ACADM: variants seen among roughly 807,000 people sequenced by gnomAD.
ACADM encodes the protein acyl-CoA dehydrogenase medium chain.
Under a neutral mutation model 58.9 loss-of-function variants are expected in ACADM, and 49 were observed. The observed-to-expected ratio is 0.83, with a 90% CI of 0.66 to 1.06. ACADM has a LOEUF of 1.06. Ranked by LOEUF, ACADM falls within the 50% of genes least tolerant of loss-of-function variation. ACADM has a pLI of 0.00. For missense variants in ACADM, 496 were observed against 507.0 expected (o/e 0.98, Z 0.21); for synonymous variants, 160 against 157.7 (o/e 1.01, Z -0.11).
chr1:75,744,470 C>A, intron 7 of ACADM: 1 of 1,531,576 alleles, frequency 6.5e-7, no homozygotes, highest in East Asian at 2.2e-5. Context: ...ATCTCACAAA[C>A]CACTTCATCT....
At chr1:75,749,271 C>A in intron 8 of ACADM, 148 bp from the exon 9 acceptor site, 1 of 745,908 alleles carries the variant, frequency 1.3e-6, no homozygotes, top group Non-Finnish European at 2.3e-6. Context: ...GTATTCCAAT[C>A]AGGCTTTCTT....
chr1:75,750,528 C>A lies in ACADM; in HGVS notation c.927C>A (p.Phe309Leu). The change falls in exon 10 of 12, where the codon TTC becomes TTA. Residue 309 changes from phenylalanine to leucine, a missense_variant. Physicochemically the swap from Phe to Leu is conservative, Grantham distance 22. Transcript: ENST00000370841. ...ATKYALERKTFGKLLVEHQAI... is the reference protein window; with the variant it reads ...ATKYALERKTLGKLLVEHQAI... ...AGTATGCCCTGGAAAGGAAAACTTT[C>A]GGAAAGCTACTTGTAGAGGTAATTT... 1.2e-6 allele frequency: 2 copies of A among 1,611,470 alleles called. No individual in the cohort carries two copies. The highest frequency in any genetic ancestry group is 1.7e-6 in the Non-Finnish European group (2 of 1,179,256).
chr1:75,757,462 T>C (rs944488995), intron 10 of ACADM, among the ~76,000 whole-genome samples: 3 of 152,150 alleles, frequency 2.0e-5, no homozygotes, highest in Admixed American at 6.6e-5. Flanking sequence ...AAAATGCTCA[T>C]CATCACTGGC....
intron 10 of ACADM, among the ~76,000 whole-genome samples, chr1:75,759,394 A>G (rs1285821526): frequency 6.6e-6 from 1 of 152,240 alleles, no homozygotes; most frequent in Non-Finnish European, 1.5e-5. Context: ...TGAACCTAGC[A>G]GACAAAAGAC....
chr1:75,729,835 A>T (rs896822370), intron 2 of ACADM, among the ~76,000 whole-genome samples: 2 of 149,698 alleles, frequency 1.3e-5, no homozygotes, highest in Non-Finnish European at 3.0e-5. Flanking sequence ...GTAGCCAAAG[A>T]CTAAATGAAA....
Position 75,749,351 on chromosome 1 carries a change from A to G in ACADM, c.709-68A>G, listed in dbSNP as rs935208265. On this transcript the variant is annotated intron_variant, in intron 8 of 11. Coordinates refer to ENST00000370841, the MANE Select transcript of ACADM (RefSeq NM_000016.6). ...AGGTAATTGCAGAAAGTCATGAAAC[A>G]GTGATTAAAGCAAAAATTGATGCTG... 25 of 1,539,480 alleles carry G rather than the reference A, an allele frequency of 1.6e-5. No homozygotes were observed. In the African/African-American group the frequency reaches 3.0e-4, roughly 19 times the overall value.
At chr1:75,734,160 A>ATTTTTTTTT (rs1160368175) in intron 5 of ACADM, among the ~76,000 whole-genome samples, 4 of 84,236 alleles carry the variant, frequency 4.7e-5, no homozygotes, top group Admixed American at 1.4e-4. Flanking sequence ...TAATTTTTGT[A>ATTTTTTTTT]TTTTTTTTTT....
chr1:75,732,515 A>C, intron 2 of ACADM, 129 bp from the exon 3 acceptor site: 1 of 779,996 alleles, frequency 1.3e-6, no homozygotes, highest in Non-Finnish European at 2.3e-6. Flanking sequence ...CAAAAAATGC[A>C]CTGTAGTCTG....
At chr1:75,742,476 C>T (rs796890211) in intron 7 of ACADM, among the ~76,000 whole-genome samples, 7 of 152,322 alleles carry the variant, frequency 4.6e-5, no homozygotes, top group African/African-American at 1.7e-4. Flanking sequence ...GCCTCCTCAG[C>T]CCACGGGCTT....
chr1:75,750,394 T>G, intron 9 of ACADM, 57 bp from the exon 10 acceptor site: 2 of 1,356,322 alleles, frequency 1.5e-6, no homozygotes, highest in Non-Finnish European at 2.1e-6. Flanking sequence ...CTTAGGCAGA[T>G]ATTGTGTGTT....
Position 75,733,548 on chromosome 1 carries a change from T to C in ACADM, c.307T>C (p.Phe103Leu), listed in dbSNP as rs1647187648. Reference protein sequence around the residue: ...ENCGGLGLGTFDACLISEELA... With the variant: ...ENCGGLGLGTLDACLISEELA... ...TGTAGGAGGTCTTGGACTTGGAACT[T>C]TTGATGCTTGTTTAATTAGTGAAGA... Residue 103 changes from phenylalanine to leucine, a missense_variant, in exon 5 of 12, where the codon TTT becomes CTT. Coordinates refer to ENST00000370841, the MANE Select transcript of ACADM (RefSeq NM_000016.6). The C allele has an allele frequency of 1.2e-6, 2 of 1,614,068 alleles. No homozygotes were observed. Among genetic ancestry groups the C allele is most frequent in the Non-Finnish European group, 1.7e-6 (2 of 1,179,986 alleles).
intron 5 of ACADM, 73 bp downstream of exon 5, chr1:75,733,701 T>C: frequency 7.8e-7 from 1 of 1,277,558 alleles, no homozygotes; most frequent in East Asian, 2.3e-5. Flanking sequence ...AGAAGTTGGA[T>C]TTTTAGAAGA....
intron 1 of ACADM, among the ~76,000 whole-genome samples, chr1:75,728,045 C>A (rs1292634235): frequency 1.3e-5 from 2 of 152,064 alleles, no homozygotes; most frequent in Non-Finnish European, 2.9e-5. Flanking sequence ...TATCGTTCTC[C>A]CCACCCCAAC....
Position 75,728,477 on chromosome 1 carries a change from G to C in ACADM, c.107G>C (p.Gly36Ala). ...AATCGACAACGTGAACCAGGATTAG[G>C]ATTTAGTTTTGGTATATGTTCGGTT... ...KANRQREPGLGFSFEFTEQQK... is the reference protein window; with the variant it reads ...KANRQREPGLAFSFEFTEQQK... The change falls in exon 2 of 12, where the codon GGA (glycine) becomes GCA (alanine). Residue 36 changes from glycine to alanine, a missense_variant. By Grantham distance (60) the Gly-to-Ala change is moderately conservative. Transcript: ENST00000370841. 1 of 1,612,474 alleles carries C rather than the reference G, an allele frequency of 6.2e-7. No homozygotes were observed.
chr1:75,745,549 G>C (rs1360601697), intron 7 of ACADM: 2 of 492,468 alleles, frequency 4.1e-6, no homozygotes, highest in African/African-American at 3.9e-5. Context: ...TGTACTGCGG[G>C]TAACTGAAAC....
intron 10 of ACADM, among the ~76,000 whole-genome samples, chr1:75,759,014 G>A (rs761437792): frequency 6.6e-6 from 1 of 152,154 alleles, no homozygotes; most frequent in Non-Finnish European, 1.5e-5. Flanking sequence ...TGTAACACTT[G>A]CCACGGAGGT....
At chr1:75,747,425 T>C (rs189459719) in intron 8 of ACADM, among the ~76,000 whole-genome samples, 7 of 152,344 alleles carry the variant, frequency 4.6e-5, no homozygotes, top group African/African-American at 1.4e-4. Flanking sequence ...GAGATAATTA[T>C]ATTGTGTATA....
At chr1:75,731,025 G>T (rs2100356520) in intron 2 of ACADM, among the ~76,000 whole-genome samples, 1 of 152,122 alleles carries the variant, frequency 6.6e-6, no homozygotes, top group African/African-American at 2.4e-5. Flanking sequence ...AGTGGCTCGG[G>T]CCTGTAATCC....
At chr1:75,756,387 G>A (rs1648507148) in intron 10 of ACADM, among the ~76,000 whole-genome samples, 1 of 150,638 alleles carries the variant, frequency 6.6e-6, no homozygotes, top group South Asian at 2.1e-4. Context: ...CAAAATCAAT[G>A]TGCAAAAATC....
Sources: allele counts gnomAD v4.1 joint callset (sites outside exome capture counted in the v4.1 genomes callset), GRCh38; gene constraint gnomAD v4.1.1; transcripts MANE v1.5; gene names NCBI Gene and HGNC (gene_info 2026-07-23, HGNC 2026-07-21).